SERPINC1: variants seen among roughly 807,000 people sequenced by gnomAD.
The protein encoded by SERPINC1 is serpin family C member 1.
A neutral mutation model predicts 43.4 loss-of-function variants in SERPINC1; 12 were observed. The observed-to-expected ratio is 0.28, with a 90% CI of 0.18 to 0.45. SERPINC1 has a LOEUF of 0.45. Among genes scored for constraint, SERPINC1 ranks in the 20% least tolerant of loss-of-function variants. The pLI is 1.00. For synonymous variants in SERPINC1, 210 were observed against 218.9 expected, an observed-to-expected ratio of 0.96 and a Z score of 0.36; for missense variants, 423 against 578.8, an observed-to-expected ratio of 0.73 and a Z score of 2.76.
intron 6 of SERPINC1, among the ~76,000 whole-genome samples, chr1:173,906,829 C>A (rs1657536951): frequency 6.6e-6 from 1 of 152,020 alleles, no homozygotes; most frequent in Non-Finnish European, 1.5e-5. Flanking sequence ...AAACTTCTCC[C>A]TAGGTTGGCC....
In SERPINC1 at chr1:173,909,725, A is replaced by G. The variant is rs773399107; in HGVS notation, c.980T>C (p.Val327Ala). The G allele has an allele frequency of 2.0e-5, 33 of 1,613,992 alleles. No individual in the cohort carries two copies. Among genetic ancestry groups the G allele is most frequent in the Non-Finnish European group, 2.5e-5 (30 of 1,179,990 alleles). Residue 327 changes from valine (V) to alanine (A), a missense_variant, in exon 5 of 7, where the codon GTA becomes GCA. Physicochemically the swap from Val to Ala is moderately conservative, Grantham distance 64. Transcript: ENST00000367698. ...CACCTCTGGGGTGAGTTCCTTCTCT[A>G]CCTTGGCCAGGCTCTTCTCAGGCTT... ...LPKPEKSLAK[V>A]EKELTPEVLQ...
chr1:173,913,594 C>A (rs893844219), intron 2 of SERPINC1, among the ~76,000 whole-genome samples: 15 of 152,100 alleles, frequency 9.9e-5, no homozygotes, highest in African/African-American at 3.6e-4. Flanking sequence ...CGGTGGCTTA[C>A]GCCTGTAATC....
chr1:173,908,656 A>T (rs1282222266), intron 5 of SERPINC1, among the ~76,000 whole-genome samples: 1 of 151,996 alleles, frequency 6.6e-6, no homozygotes, highest in East Asian at 1.9e-4. Flanking sequence ...GACCTCCCGG[A>T]CTCAGGCAAT....
Position 173,910,746 on chromosome 1 carries a change from C to T in SERPINC1, c.762+8G>A, listed in dbSNP as rs1347784668. The T allele has an allele frequency of 1.2e-6, 2 of 1,613,846 alleles. No individual in the cohort carries two copies. Among genetic ancestry groups the T allele is most frequent in the Non-Finnish European group, 1.7e-6 (2 of 1,179,914 alleles). ...TCCCTGGGGTCTCTCCAGGGCCATTCTGAGTACCTTGAAGTAAATGGTGTT... is the reference window on the plus strand; with the variant it reads ...TCCCTGGGGTCTCTCCAGGGCCATTTTGAGTACCTTGAAGTAAATGGTGTT... On this transcript the variant is annotated splice_region_variant and intron_variant, in intron 4 of 6. Coordinates refer to ENST00000367698, the MANE Select transcript of SERPINC1 (RefSeq NM_000488.4).
chr1:173,910,989 C>T lies in SERPINC1; in HGVS notation c.625-98G>A, dbSNP rs1657750347. 44 of 1,375,668 alleles carry T rather than the reference C, an allele frequency of 3.2e-5. No individual in the cohort carries two copies. In the South Asian group the frequency reaches 5.0e-4, roughly 16 times the overall value. 85.2% of individuals were successfully genotyped at this position (1,375,668 alleles called of 1,614,324 possible). ...TTATTTTTCTCACCATCCCTCTGTCCTTTCCCACCATTTGATTAAGAAGCC... is the reference window on the plus strand; with the variant it reads ...TTATTTTTCTCACCATCCCTCTGTCTTTTCCCACCATTTGATTAAGAAGCC... On this transcript the variant is annotated intron_variant, in intron 3 of 6. Transcript: ENST00000367698.
chr1:173,909,990 G>A (rs1210003958), intron 4 of SERPINC1, 48 bp from the exon 5 acceptor site: 3 of 1,570,876 alleles, frequency 1.9e-6, no homozygotes, highest in African/African-American at 1.3e-5. Flanking sequence ...TAGGAGGATA[G>A]TTATTGACAC....
intron 1 of SERPINC1, among the ~76,000 whole-genome samples, chr1:173,916,876 A>T (rs1433385860): frequency 6.6e-6 from 1 of 152,256 alleles, no homozygotes; most frequent in Middle Eastern, 3.4e-3. Flanking sequence ...CATGGGTAGC[A>T]TTTGCTCTCT....
rs199525344 is a variant in SERPINC1 at position 173,911,997 on chromosome 1, G to A, written c.426C>T (p.Thr142=). ...QQLMEVFKFD[T]ISEKTSDQIH... is the part of the protein sequence containing the mutation. ...TCTGATCAGATGTTTTCTCAGATATGGTGTCAAACTTAAATACCTATAGAA... is the reference window on the plus strand; with the variant it reads ...TCTGATCAGATGTTTTCTCAGATATAGTGTCAAACTTAAATACCTATAGAA... Residue 142 remains threonine, a synonymous_variant, in exon 3 of 7, where the codon ACC becomes ACT. Coordinates refer to ENST00000367698, the MANE Select transcript of SERPINC1 (RefSeq NM_000488.4). 5 of 1,613,780 alleles carry A rather than the reference G, an allele frequency of 3.1e-6. No individual in the cohort carries two copies. Among genetic ancestry groups the A allele is most frequent in the African/African-American group, 1.3e-5 (1 of 74,908 alleles).
At chr1:173,910,020 G>T in intron 4 of SERPINC1, 78 bp from the exon 5 acceptor site, 1 of 1,384,742 alleles carries the variant, frequency 7.2e-7, no homozygotes, top group Non-Finnish European at 1.0e-6. Flanking sequence ...CCATATTATA[G>T]TGTTACATTA....
At chr1:173,907,413 T>G (rs1453668454) in intron 6 of SERPINC1, 37 bp downstream of exon 6, 6 of 1,531,290 alleles carry the variant, frequency 3.9e-6, no homozygotes, top group Admixed American at 1.7e-5. Context: ...ATGCATCTCC[T>G]TTCTGTACCC....
At chr1:173,905,014 T>C (rs887803267) in intron 6 of SERPINC1, among the ~76,000 whole-genome samples, 2 of 152,140 alleles carry the variant, frequency 1.3e-5, no homozygotes, top group Non-Finnish European at 2.9e-5. Context: ...ATCTTACATA[T>C]TGTGTACTGG....
chr1:173,916,122 C>T (rs953130990), intron 1 of SERPINC1, among the ~76,000 whole-genome samples: 1 of 152,164 alleles, frequency 6.6e-6, no homozygotes, highest in South Asian at 2.1e-4. Flanking sequence ...GTAAATGAAG[C>T]TAATTTCACA....
rs780549243 is a variant in SERPINC1 at position 173,909,561 on chromosome 1, T to G, written c.1144A>C (p.Lys382Gln). The G allele has an allele frequency of 1.2e-6, 2 of 1,613,768 alleles. No homozygotes were observed. Among genetic ancestry groups the G allele is most frequent in the African/African-American group, 2.7e-5 (2 of 74,946 alleles). ...LVDLFSPEKS[K>Q]LPGIVAEGRD... ...TCCTTCCTAGACAAACCTGGGAGTT[T>G]GGACTTTTCAGGGCTGAACAGATCG... Residue 382 changes from lysine to glutamine, a missense_variant, in exon 5 of 7, where the codon AAA (lysine) becomes CAA (glutamine). By Grantham distance (53) the Lys-to-Gln change is moderately conservative. Transcript: ENST00000367698.
intron 3 of SERPINC1, 132 bp from the exon 4 acceptor site, chr1:173,911,023 A>G: frequency 1.0e-6 from 1 of 987,160 alleles, no homozygotes; most frequent in Non-Finnish European, 1.6e-6. Flanking sequence ...CCATTGCTCT[A>G]ACCCAAATTG....
chr1:173,913,055 G>A (rs751221117), intron 2 of SERPINC1, among the ~76,000 whole-genome samples: 7 of 152,166 alleles, frequency 4.6e-5, no homozygotes, highest in Non-Finnish European at 1.0e-4. Flanking sequence ...CTGAGCAAAG[G>A]TGATGAAGTT....
At chr1:173,917,145 G>T (rs774577561) in intron 1 of SERPINC1, 74 bp downstream of exon 1, 5 of 1,278,656 alleles carry the variant, frequency 3.9e-6, no homozygotes, top group Non-Finnish European at 4.6e-6. Context: ...AGGTGTTGGA[G>T]GTCATTCCTG....
intron 4 of SERPINC1, among the ~76,000 whole-genome samples, chr1:173,910,529 C>T (rs186210152): frequency 2.0e-5 from 3 of 152,086 alleles, no homozygotes; most frequent in East Asian, 1.9e-4. Context: ...TGCAGTGAGC[C>T]GAGATCACGC....
At chr1:173,904,108 C>T (rs772686849) in intron 6 of SERPINC1, 43 bp from the exon 7 acceptor site, 6 of 1,596,984 alleles carry the variant, frequency 3.8e-6, no homozygotes, top group Admixed American at 1.7e-5. Context: ...GCCACTCTGC[C>T]GTTCATTTTT....
At chr1:173,912,714 CA>C (rs1415470241) in intron 2 of SERPINC1, among the ~76,000 whole-genome samples, 1 of 152,124 alleles carries the variant, frequency 6.6e-6, no homozygotes, top group African/African-American at 2.4e-5. Context: ...TGCTTTTGAT[CA>C]AAAGCTTGGT....
Sources: gnomAD v4.1 joint callset for allele counts (sites outside exome capture counted in the v4.1 genomes callset) on GRCh38, gnomAD v4.1.1 for gene constraint, MANE v1.5 for transcripts, NCBI Gene and HGNC (gene_info 2026-07-23, HGNC 2026-07-21) for gene names.